MMP20: variants seen among roughly 807,000 people sequenced by gnomAD.
MMP20 encodes the protein matrix metalloproteinase-20.
A neutral mutation model predicts 51.8 loss-of-function variants in MMP20; 50 were observed. The observed-to-expected ratio is 0.97, with a 90% CI of 0.77 to 1.22. MMP20 has a LOEUF of 1.22. Among genes scored for constraint, MMP20 ranks in the 50% most tolerant of loss-of-function variants. The probability of loss-of-function intolerance (pLI) is 0.00; values close to 1 mark genes in which losing one functional copy is unlikely to be tolerated. For synonymous variants in MMP20, 244 were observed against 216.2 expected (o/e 1.13, Z -1.13); for missense variants, 663 against 601.4 (o/e 1.10, Z -1.07).
chr11:102,590,855 C>T (rs1394732700), intron 8 of MMP20, among the ~76,000 whole-genome samples: 1 of 152,044 alleles, frequency 6.6e-6, no homozygotes, highest in Non-Finnish European at 1.5e-5. Context: ...ACTAAAGCTC[C>T]CCTGGCCACC....
chr11:102,599,723 T>G (rs1784405), intron 6 of MMP20, among the ~76,000 whole-genome samples: 78,119 of 151,992 alleles, frequency 0.51, 20,628 homozygotes, highest in South Asian at 0.67. Context: ...GTCATGTCAT[T>G]GGCTGAGAAG....
intron 8 of MMP20, among the ~76,000 whole-genome samples, chr11:102,588,702 G>T (rs1859281524): frequency 6.6e-6 from 1 of 151,298 alleles, no homozygotes; most frequent in African/African-American, 2.4e-5. Context: ...GATTTTTGTG[G>T]GGGCTTGAAT....
intron 1 of MMP20, among the ~76,000 whole-genome samples, chr11:102,622,621 A>T (rs1487196223): frequency 6.6e-6 from 1 of 152,118 alleles, no homozygotes. Context: ...CATCCTGATT[A>T]ACTTCTTTCC....
intron 8 of MMP20, 103 bp downstream of exon 8, chr11:102,593,336 C>T: frequency 9.9e-6 from 12 of 1,216,906 alleles, no homozygotes; most frequent in South Asian, 5.2e-5. Context: ...AGTCAACGGG[C>T]CTATCGCAAA....
intron 8 of MMP20, among the ~76,000 whole-genome samples, chr11:102,591,172 A>T (rs1262490912): frequency 6.6e-6 from 1 of 152,254 alleles, no homozygotes; most frequent in East Asian, 1.9e-4. Flanking sequence ...GAATAGGGCC[A>T]GTACAATAGG....
chr11:102,577,154 C>A lies in MMP20; in HGVS notation c.*172G>T. 1 of 599,138 alleles carries A rather than the reference C, an allele frequency of 1.7e-6. No homozygotes were observed. Among genetic ancestry groups the A allele is most frequent in the Admixed American group, 2.9e-5 (1 of 34,132 alleles). The allele number at this position is 599,138 out of a possible 1,614,324, so 37.1% of individuals were successfully genotyped here. A position where few individuals can be genotyped will look rare whatever the true frequency, so the allele number is the denominator to read the frequency against. ...AACTTTTCTAATGTGGATTGAAATTCTGATTATACAACTATGAAAAAAATT... is the reference window on the plus strand; with the variant it reads ...AACTTTTCTAATGTGGATTGAAATTATGATTATACAACTATGAAAAAAATT... On this transcript the variant is annotated 3_prime_UTR_variant, in exon 10 of 10. Transcript: ENST00000260228.
rs556711095 is a variant in MMP20, at chr11:102,587,322, C to T, written c.1247+6117G>A. On this transcript the variant is annotated intron_variant, in intron 8 of 9. Coordinates refer to ENST00000260228, the MANE Select transcript of MMP20 (RefSeq NM_004771.4). ...ATTGTGATCAGAAGAGATACTTGTA[C>T]GACTTAAGTTGTTTTAAATTTGTTG... Among the ~76,000 whole-genome samples, 146 of 152,214 alleles carry T rather than the reference C, an allele frequency of 9.6e-4. 1 individual carries two copies. Among genetic ancestry groups the T allele is most frequent in the African/African-American group, 2.4e-3 (101 of 41,542 alleles).
chr11:102,596,101 T>C (rs1166827630), intron 6 of MMP20, among the ~76,000 whole-genome samples: 6 of 152,178 alleles, frequency 3.9e-5, no homozygotes, highest in Admixed American at 3.3e-4. Flanking sequence ...TACAATCTAA[T>C]AGTAGAGACT....
intron 6 of MMP20, among the ~76,000 whole-genome samples, chr11:102,604,702 AT>A (rs1859491924): frequency 6.6e-6 from 1 of 152,236 alleles, no homozygotes; most frequent in African/African-American, 2.4e-5. Flanking sequence ...ATTTTTAAAA[AT>A]TAGAAATAAT....
At chr11:102,615,468 C>G (rs951798982) in intron 2 of MMP20, among the ~76,000 whole-genome samples, 2 of 152,114 alleles carry the variant, frequency 1.3e-5, no homozygotes, top group Admixed American at 6.5e-5. Context: ...GGCGGCAGCT[C>G]TACCATACCA....
chr11:102,625,092 A>G, intron 1 of MMP20, 102 bp downstream of exon 1: 1 of 1,476,380 alleles, frequency 6.8e-7, no homozygotes, highest in South Asian at 1.1e-5. Flanking sequence ...ATATAAAATG[A>G]TTTTAAAAGA....
At chr11:102,592,846 A>T (rs1331119273) in intron 8 of MMP20, among the ~76,000 whole-genome samples, 1 of 152,252 alleles carries the variant, frequency 6.6e-6, no homozygotes, top group Non-Finnish European at 1.5e-5. Context: ...GTGTGACCCT[A>T]TGTGCAGTGA....
At chr11:102,599,547 T>C (rs552263671) in intron 6 of MMP20, among the ~76,000 whole-genome samples, 103 of 152,324 alleles carry the variant, frequency 6.8e-4, no homozygotes, top group Non-Finnish European at 1.1e-3. Flanking sequence ...CATATGAAAG[T>C]GTTTTATAAA....
rs529959156 is a variant in MMP20, at chr11:102,587,232, T to C, written c.1247+6207A>G. 5.3e-5 allele frequency among the ~76,000 whole-genome samples: 8 copies of C among 152,348 alleles called. No homozygotes were observed. In the East Asian group the frequency reaches 1.3e-3, roughly 26 times the overall value. On this transcript the variant is annotated intron_variant, in intron 8 of 9. Coordinates refer to ENST00000260228, the MANE Select transcript of MMP20 (RefSeq NM_004771.4). The stretch of plus-strand genomic sequence containing the variant: ...CCATTGGTTGTTTAATAGTATGTTG[T>C]TTAATTTCCACATATTTGTAAGTTT...
chr11:102,611,641 T>TCACAGCACTG (rs1339772961), intron 3 of MMP20, 114 bp downstream of exon 3: 2 of 1,355,962 alleles, frequency 1.5e-6, no homozygotes, highest in Non-Finnish European at 2.1e-6. Context: ...CCTTGGCCCA[T>TCACAGCACTG]CACAGCACTG....
intron 8 of MMP20, among the ~76,000 whole-genome samples, chr11:102,589,853 T>A (rs1267425931): frequency 6.6e-6 from 1 of 152,194 alleles, no homozygotes; most frequent in Non-Finnish European, 1.5e-5. Flanking sequence ...TTTTTATTAC[T>A]TATTATTTAT....
intron 4 of MMP20, 122 bp downstream of exon 4, chr11:102,609,783 G>C: frequency 7.0e-7 from 1 of 1,437,424 alleles, no homozygotes; most frequent in Non-Finnish European, 9.7e-7. Flanking sequence ...TGGCTTACTT[G>C]TTTTTCCTAG....
At position 102,610,036 on chromosome 11, in the gene MMP20, C is replaced by T. The variant is rs1859577026; in HGVS notation, c.524-6G>A. 1.9e-6 allele frequency: 3 copies of T among 1,613,876 alleles called. No individual in the cohort carries two copies. Among genetic ancestry groups the T allele is most frequent in the Non-Finnish European group, 2.5e-6 (3 of 1,179,992 alleles). ...TGGATAGGAATCCCCGTGATCTAAA[C>T]AAGTGGGGAGAAAGGCCAACAAGAT... On this transcript the variant is annotated splice_region_variant and splice_polypyrimidine_tract_variant and intron_variant, in intron 3 of 9. Transcript: ENST00000260228.
chr11:102,619,147 A>G (rs577188290), intron 1 of MMP20, among the ~76,000 whole-genome samples: 90 of 151,546 alleles, frequency 5.9e-4, no homozygotes, highest in African/African-American at 2.1e-3. Context: ...TTTTTTTGCA[A>G]ATGAGGTTGA....
Sources: gnomAD v4.1 joint callset for allele counts (sites outside exome capture counted in the v4.1 genomes callset) on GRCh38, gnomAD v4.1.1 for gene constraint, MANE v1.5 for transcripts, NCBI Gene and HGNC (gene_info 2026-07-23, HGNC 2026-07-21) for gene names.